IL13RA1: variants seen among roughly 807,000 people sequenced by gnomAD.
The protein encoded by IL13RA1 is interleukin 13 receptor subunit alpha 1, also known as interleukin-13 receptor subunit alpha-1.
In IL13RA1, 14 loss-of-function variants were observed where a neutral mutation model predicts 33.8. That is an observed-to-expected ratio of 0.41 (90% CI 0.27 to 0.65). The LOEUF is 0.65. Ranked by LOEUF, IL13RA1 falls within the 30% of genes least tolerant of loss-of-function variation. The pLI, the probability that IL13RA1 is intolerant of heterozygous loss-of-function variation, is 0.28. For synonymous variants in IL13RA1, 116 were observed against 115.7 expected (o/e 1.00, Z -0.02); for missense variants, 313 against 327.0 (o/e 0.96, Z 0.33).
chrX:118,792,159 C>T lies in IL13RA1; in HGVS notation c.*305C>T. On this transcript the variant is annotated 3_prime_UTR_variant, in exon 11 of 11. Transcript: ENST00000371666. ...ATCTTATCAAGAGTTGTGACAACTT[C>T]CTGAGGGATCTATACTTGCTTTGTG... 1 of 147,942 alleles carries T rather than the reference C, an allele frequency of 6.8e-6. No individual in the cohort carries two copies. The allele number at this position is 147,942 out of a possible 1,213,427, so 12.2% of individuals were successfully genotyped here.
chrX:118,737,913 G>A (rs1289635550), intron 1 of IL13RA1: 1 of 111,823 alleles, frequency 8.9e-6, no homozygotes, highest in Non-Finnish European at 1.9e-5. Context: ...ACAGTAAATT[G>A]TAGTCTCCAG....
chrX:118,772,951 G>T (rs766709431), intron 8 of IL13RA1, among the ~76,000 whole-genome samples: 1 of 112,138 alleles, frequency 8.9e-6, no homozygotes, highest in South Asian at 3.7e-4. Context: ...AAATACTTGG[G>T]TAATTCCAGT....
chrX:118,791,662 C>T, intron 10 of IL13RA1, 100 bp from the exon 11 acceptor site: 1 of 399,387 alleles, frequency 2.5e-6, no homozygotes, highest in East Asian at 4.3e-5. Flanking sequence ...CCTACGGTTC[C>T]ATCCACACAA....
In IL13RA1 at chrX:118,761,465, G is replaced by A. The variant is rs2017589870; in HGVS notation, c.828+176G>A. The A allele has an allele frequency of 1.9e-5, 6 of 316,488 alleles. No homozygotes were observed. The South Asian group carries it at 6.4e-4, about 34-fold the overall frequency. The allele number at this position is 316,488 out of a possible 1,213,427, so 26.1% of individuals were successfully genotyped here. On this transcript the variant is annotated intron_variant, in intron 6 of 10. Transcript: ENST00000371666. The stretch of plus-strand genomic sequence containing the variant: ...AGATTTGAAGATTTATGGTATGATA[G>A]TATCAGCTGCAAGTTTCAAGCCATT...
rs12836403 is a variant in IL13RA1, at chrX:118,784,131, A to G, written c.1191+7620A>G. ...TATACGTATATATGTATATATATGTATATATATATATATATACGTATATAC... is the reference window on the plus strand; with the variant it reads ...TATACGTATATATGTATATATATGTGTATATATATATATATACGTATATAC... On this transcript the variant is annotated intron_variant, in intron 10 of 10. Transcript: ENST00000371666. Among the ~76,000 whole-genome samples the G allele has an allele frequency of 3.3e-4, 25 of 76,826 alleles. 1 individual carries two copies. The highest frequency in any genetic ancestry group is 1.9e-3 in the Admixed American group (11 of 5,782). 66.7% of individuals were successfully genotyped at this position (76,826 alleles called of 115,157 possible). A position where few individuals can be genotyped will look rare whatever the true frequency, so the allele number is the denominator to read the frequency against.
At chrX:118,799,657 G>C in the IL13RA1 span, among the ~76,000 whole-genome samples, 1 of 103,337 alleles carries the variant, frequency 9.7e-6, no homozygotes, top group African/African-American at 3.6e-5. Flanking sequence ...TCTGTATCTA[G>C]CTGCTCTGGT....
chrX:118,749,623 A>G (rs1323226449), intron 3 of IL13RA1, 35 bp from the exon 4 acceptor site: 1 of 1,190,479 alleles, frequency 8.4e-7, no homozygotes, highest in South Asian at 1.8e-5. Context: ...TTACAAGGAA[A>G]GAAGGGTCTT....
At chrX:118,754,928 G>A (rs988721143) in intron 4 of IL13RA1, among the ~76,000 whole-genome samples, 3 of 106,578 alleles carry the variant, frequency 2.8e-5, no homozygotes, top group Non-Finnish European at 5.8e-5. Flanking sequence ...CATAAAATAC[G>A]GAGTCTTTCT....
intron 1 of IL13RA1, among the ~76,000 whole-genome samples, chrX:118,740,709 G>T (rs932603913): frequency 8.9e-6 from 1 of 112,124 alleles, no homozygotes; most frequent in African/African-American, 3.2e-5. Flanking sequence ...CTTCACCCCA[G>T]GAGGCAGAGG....
chrX:118,789,421 T>C (rs375534445), intron 10 of IL13RA1, among the ~76,000 whole-genome samples: 6 of 112,167 alleles, frequency 5.3e-5, no homozygotes, highest in African/African-American at 1.9e-4. Context: ...CAATATGATA[T>C]TACCTAATTT....
intron 6 of IL13RA1, 143 bp from the exon 7 acceptor site, chrX:118,766,386 TA>T: frequency 2.7e-6 from 1 of 370,801 alleles, no homozygotes; most frequent in Non-Finnish European, 4.7e-6. Flanking sequence ...CACCATTTAT[TA>T]AAAAAGGCCA....
Position 118,727,740 on chromosome X carries a change from T to G in IL13RA1, c.88+14T>G, listed in dbSNP as rs1287323135. ...CCGCGCCTACGGGTGAGTGCGACCC[T>G]CGGGGCCCGAGGGGCGGCCGGAGGG... On this transcript the variant is annotated intron_variant, in intron 1 of 10. Coordinates refer to ENST00000371666, the MANE Select transcript of IL13RA1 (RefSeq NM_001560.3). 1.4e-4 allele frequency: 105 copies of G among 746,625 alleles called. No homozygotes were observed. Among genetic ancestry groups the G allele is most frequent in the Middle Eastern group, 6.1e-4 (1 of 1,651 alleles). The allele number at this position is 746,625 out of a possible 1,213,427, so 61.5% of individuals were successfully genotyped here.
intron 9 of IL13RA1, among the ~76,000 whole-genome samples, chrX:118,775,583 G>A (rs1403510548): frequency 1.8e-5 from 2 of 111,483 alleles, no homozygotes; most frequent in Non-Finnish European, 3.8e-5. Flanking sequence ...GAAGTGGTCA[G>A]AAATAGTATA....
downstream of IL13RA1, among the ~76,000 whole-genome samples, chrX:118,796,018 C>T: frequency 8.9e-6 from 1 of 112,315 alleles, no homozygotes; most frequent in East Asian, 2.8e-4. Flanking sequence ...ATATTTTTGA[C>T]ATCAATCCCC....
chrX:118,778,054 A>G (rs2017805458), intron 10 of IL13RA1, among the ~76,000 whole-genome samples: 1 of 111,687 alleles, frequency 9.0e-6, no homozygotes, highest in African/African-American at 3.3e-5. Flanking sequence ...AGGTAACAAT[A>G]GCACCTGCCT....
intron 2 of IL13RA1, among the ~76,000 whole-genome samples, chrX:118,742,178 C>T (rs918807357): frequency 1.8e-5 from 2 of 112,114 alleles, no homozygotes; most frequent in African/African-American, 6.5e-5. Flanking sequence ...GCCTTCCTCT[C>T]CCTTGTCCTG....
intron 10 of IL13RA1, among the ~76,000 whole-genome samples, chrX:118,779,743 G>A (rs2017822397): frequency 8.9e-6 from 1 of 111,926 alleles, no homozygotes. Flanking sequence ...TGGTAGCAGA[G>A]GAGATTGACG....
intron 1 of IL13RA1, among the ~76,000 whole-genome samples, chrX:118,730,996 G>C (rs1034910417): frequency 3.6e-5 from 4 of 112,587 alleles, no homozygotes; most frequent in Admixed American, 1.9e-4. Context: ...GCTGTGATTG[G>C]ACAGGCGAGA....
At chrX:118,739,395 G>A (rs1178592001) in intron 1 of IL13RA1, among the ~76,000 whole-genome samples, 1 of 111,784 alleles carries the variant, frequency 8.9e-6, no homozygotes, top group Non-Finnish European at 1.9e-5. Flanking sequence ...GAAGGTAACA[G>A]TATAAATATT....
Sources: gnomAD v4.1 joint callset for allele counts (sites outside exome capture counted in the v4.1 genomes callset) on GRCh38, gnomAD v4.1.1 for gene constraint, MANE v1.5 for transcripts, NCBI Gene and HGNC (gene_info 2026-07-23, HGNC 2026-07-21) for gene names.